Variants in NBPF8 observed in about 807,000 individuals in gnomAD.
NBPF8 encodes the protein NBPF member 8.
At chr1:120,426,869 A>G (rs1480960011) in intron 2 of NBPF8, among the ~76,000 whole-genome samples, 1 of 149,918 alleles carries the variant, frequency 6.7e-6, no homozygotes. Flanking sequence ...GGAGGGGATA[A>G]AGAAGTCACT....
upstream of NBPF8, among the ~76,000 whole-genome samples, chr1:120,415,818 T>A (rs1553245106): frequency 1.3e-5 from 2 of 151,864 alleles, no homozygotes; most frequent in African/African-American, 4.9e-5. Context: ...ACCGCAGGAT[T>A]TCCGGTAGGT....
chr1:120,468,616 G>A (rs1438026743), downstream of NBPF8, among the ~76,000 whole-genome samples: 2 of 149,778 alleles, frequency 1.3e-5, no homozygotes, highest in African/African-American at 2.5e-5. Context: ...GTCTCCAGAG[G>A]ATACTTCCAT....
chr1:120,417,102 C>A (rs1365241422), upstream of NBPF8, among the ~76,000 whole-genome samples: 1 of 126,836 alleles, frequency 7.9e-6, no homozygotes. Context: ...CTGTAGCTTG[C>A]CTTTTCGCTC....
chr1:120,427,942 C>T (rs1660766472), intron 3 of NBPF8, among the ~76,000 whole-genome samples, 95 bp downstream of exon 3: 1 of 151,970 alleles, frequency 6.6e-6, no homozygotes, highest in Non-Finnish European at 1.5e-5. Context: ...TAATCTAGCC[C>T]ATATGCTTAG....
exon 13 of NBPF8, chr1:120,452,148 C>A (rs1553248945): frequency 1.9e-6 from 3 of 1,605,110 alleles, no homozygotes; most frequent in East Asian, 2.2e-5. Flanking sequence ...CACTCAGGAA[C>A]GAGAGCTGAC....
At chr1:120,422,989 T>C (rs1214184792) in intron 1 of NBPF8, among the ~76,000 whole-genome samples, 1 of 123,502 alleles carries the variant, frequency 8.1e-6, no homozygotes, top group African/African-American at 3.7e-5. Context: ...CTTTGTGTTG[T>C]TTAGTTCTCA....
chr1:120,452,277 C>G, exon 13 of NBPF8: 1 of 1,395,786 alleles, frequency 7.2e-7, no homozygotes, highest in South Asian at 1.1e-5. Context: ...CCTCCAAGAA[C>G]AGCTGGCTGA....
chr1:120,430,929 C>T (rs1201650249), intron 3 of NBPF8, among the ~76,000 whole-genome samples: 1 of 151,522 alleles, frequency 6.6e-6, no homozygotes, highest in East Asian at 1.9e-4. Flanking sequence ...GTAAATTGAT[C>T]TCCAGATCCA....
exon 24 of NBPF8, chr1:120,465,298 G>A (rs1661711221): frequency 2.0e-5 from 14 of 693,552 alleles, no homozygotes. Flanking sequence ...GATAAGAAGG[G>A]GAAGAAGATC....
upstream of NBPF8, among the ~76,000 whole-genome samples, chr1:120,434,287 TA>T (rs1661002725): frequency 1.1e-4 from 3 of 26,974 alleles, no homozygotes; most frequent in Non-Finnish European, 2.3e-4. Flanking sequence ...TATATACACG[TA>T]TTATATATAT....
chr1:120,469,232 C>G (rs1196834012), downstream of NBPF8, among the ~76,000 whole-genome samples: 3 of 137,540 alleles, frequency 2.2e-5, no homozygotes, highest in African/African-American at 8.3e-5. Flanking sequence ...CATGAATTTG[C>G]TTCTGAGATT....
chr1:120,464,114 G>A (rs1162807593), intron 22 of NBPF8, among the ~76,000 whole-genome samples: 407 of 31,682 alleles, frequency 0.013, no homozygotes, highest in African/African-American at 0.027. Flanking sequence ...CACTGAGCTC[G>A]TTCTCTCTCT....
chr1:120,415,396 G>A (rs1358321198), upstream of NBPF8, among the ~76,000 whole-genome samples: 3 of 150,416 alleles, frequency 2.0e-5, no homozygotes, highest in Middle Eastern at 3.4e-3. Context: ...GGGGTGGGGG[G>A]TTGGGAGGGC....
At chr1:120,433,976 G>A (rs1375336435), upstream of NBPF8, 3 of 167,348 alleles carry the variant, frequency 1.8e-5, no homozygotes, top group East Asian at 1.7e-4. Flanking sequence ...CTGGGACGGC[G>A]GCCCAGATGG....
intron 11 of NBPF8, among the ~76,000 whole-genome samples, chr1:120,450,433 G>C (rs1178961550): frequency 6.6e-6 from 1 of 151,842 alleles, no homozygotes; most frequent in African/African-American, 2.4e-5. Flanking sequence ...TGCTTGTCTT[G>C]TCTGTCCCTC....
chr1:120,452,895 G>A (rs1484366725), intron 13 of NBPF8, among the ~76,000 whole-genome samples: 1 of 152,196 alleles, frequency 6.6e-6, no homozygotes, highest in African/African-American at 2.4e-5. Flanking sequence ...TCAGACTGGA[G>A]CGCTCCCCAT....
At chr1:120,454,366 G>T (rs1307195066) in intron 15 of NBPF8, among the ~76,000 whole-genome samples, 1 of 152,034 alleles carries the variant, frequency 6.6e-6, no homozygotes, top group Non-Finnish European at 1.5e-5. Context: ...TGCACAGGCA[G>T]TATCTGTCAG....
chr1:120,455,910 C>G (rs1363047362), intron 16 of NBPF8, among the ~76,000 whole-genome samples: 20 of 152,240 alleles, frequency 1.3e-4, no homozygotes, highest in Non-Finnish European at 2.6e-4. Flanking sequence ...GCATTTAGTG[C>G]TATAATTTTC....
upstream of NBPF8, among the ~76,000 whole-genome samples, chr1:120,436,020 G>C (rs1273236818): frequency 4.6e-5 from 7 of 152,176 alleles, no homozygotes; most frequent in Admixed American, 4.6e-4. Flanking sequence ...TGAGGAATGT[G>C]CTTAGATGTA....
Sources: gnomAD v4.1 joint callset for allele counts (sites outside exome capture counted in the v4.1 genomes callset) on GRCh38, gnomAD v4.1.1 for gene constraint, MANE v1.5 for transcripts, NCBI Gene and HGNC (gene_info 2026-07-23, HGNC 2026-07-21) for gene names.